ZNF385B: variants seen among roughly 807,000 people sequenced by gnomAD.
ZNF385B encodes the protein zinc finger protein 385B, also known as zinc finger protein 533.
In ZNF385B, 23 loss-of-function variants were observed where a neutral mutation model predicts 39.2. The ratio of observed to expected loss-of-function variants is 0.59; its 90% CI spans 0.42 to 0.83. The LOEUF is 0.83. Among genes scored for constraint, ZNF385B ranks in the 40% least tolerant of loss-of-function variants. ZNF385B has a pLI of 0.00. For missense variants in ZNF385B, 552 were observed against 598.9 expected, an observed-to-expected ratio of 0.92 and a Z score of 0.82; for synonymous variants, 205 against 222.6, an observed-to-expected ratio of 0.92 and a Z score of 0.70.
At chr2:179,807,238 A>G (rs189456685) in intron 1 of ZNF385B, among the ~76,000 whole-genome samples, 255 of 152,362 alleles carry the variant, frequency 1.7e-3, no homozygotes, top group African/African-American at 5.7e-3. Flanking sequence ...GCTGAAATGA[A>G]TAAGTTGAAA....
At chr2:179,786,299 T>C (rs116038115) in intron 1 of ZNF385B, among the ~76,000 whole-genome samples, 1 of 152,160 alleles carries the variant, frequency 6.6e-6, no homozygotes, top group Admixed American at 6.6e-5. Flanking sequence ...CAACCCATGA[T>C]ATATCTGAGG....
At chr2:179,679,338 T>C (rs1325693610) in intron 3 of ZNF385B, among the ~76,000 whole-genome samples, 1 of 152,230 alleles carries the variant, frequency 6.6e-6, no homozygotes, top group Non-Finnish European at 1.5e-5. Flanking sequence ...CCTAATGACA[T>C]ATTTCACAGA....
chr2:179,748,577 G>A (rs1702507639), intron 3 of ZNF385B, among the ~76,000 whole-genome samples: 1 of 152,048 alleles, frequency 6.6e-6, no homozygotes, highest in Non-Finnish European at 1.5e-5. Context: ...ATTTGTATAT[G>A]CTATAAACTA....
chr2:179,784,047 C>G (rs1171137341), intron 1 of ZNF385B, among the ~76,000 whole-genome samples: 1 of 152,030 alleles, frequency 6.6e-6, no homozygotes, highest in Non-Finnish European at 1.5e-5. Context: ...ACACTATTCA[C>G]AATAGTAAAG....
intron 3 of ZNF385B, among the ~76,000 whole-genome samples, chr2:179,687,187 A>G (rs1403309610): frequency 2.0e-5 from 3 of 151,320 alleles, no homozygotes; most frequent in Admixed American, 6.6e-5. Context: ...GGAGCCAATC[A>G]TGGAGGAAAT....
chr2:179,719,391 T>C (rs189306394), intron 3 of ZNF385B, among the ~76,000 whole-genome samples: 38 of 152,310 alleles, frequency 2.5e-4, no homozygotes, highest in African/African-American at 8.4e-4. Context: ...CCACCTCCTC[T>C]TTCATTATAT....
chr2:179,576,128 C>G (rs1186419867), intron 3 of ZNF385B: 1 of 985,246 alleles, frequency 1.0e-6, no homozygotes, highest in East Asian at 1.1e-4. Context: ...GTGTAACCCT[C>G]CAAAACGTCT....
chr2:179,580,044 A>C (rs902449453), intron 3 of ZNF385B, among the ~76,000 whole-genome samples: 1 of 152,132 alleles, frequency 6.6e-6, no homozygotes, highest in African/African-American at 2.4e-5. Flanking sequence ...TCTCAGTGTT[A>C]ATCAACTATT....
intron 6 of ZNF385B, among the ~76,000 whole-genome samples, chr2:179,479,537 G>C (rs1015030614): frequency 2.0e-5 from 3 of 152,066 alleles, no homozygotes; most frequent in Non-Finnish European, 4.4e-5. Context: ...GTGTGCTCTC[G>C]AGGAGCAGAA....
intron 1 of ZNF385B, among the ~76,000 whole-genome samples, chr2:179,803,033 T>C (rs1283351175): frequency 6.6e-6 from 1 of 152,186 alleles, no homozygotes; most frequent in Non-Finnish European, 1.5e-5. Context: ...ACAGTTGACA[T>C]ATTCAATCTT....
chr2:179,808,735 A>G (rs1291846060), intron 1 of ZNF385B, among the ~76,000 whole-genome samples: 1 of 152,232 alleles, frequency 6.6e-6, no homozygotes, highest in Non-Finnish European at 1.5e-5. Flanking sequence ...TACTGTGTCT[A>G]GGCCCTTAAC....
chr2:179,662,888 C>T lies in ZNF385B; in HGVS notation c.298+106615G>A, dbSNP rs147156381. Among the ~76,000 whole-genome samples the T allele has an allele frequency of 8.9e-3, 1,348 of 151,944 alleles. 6 individuals are homozygous for T. The highest frequency in any genetic ancestry group is 0.017 in the Middle Eastern group (5 of 294). ...TTCAATTTTTGTTTTTTATTAAATA[C>T]TAAAAATCATTGAGGAGCACAGTTT... On this transcript the variant is annotated intron_variant, in intron 3 of 9. Transcript: ENST00000410066.
At chr2:179,715,041 A>T (rs1039418851) in intron 3 of ZNF385B, among the ~76,000 whole-genome samples, 15 of 151,094 alleles carry the variant, frequency 9.9e-5, no homozygotes. Context: ...GTTTATACCT[A>T]CCCCCAAACC....
intron 1 of ZNF385B, among the ~76,000 whole-genome samples, chr2:179,844,279 T>G (rs568709124): frequency 1.3e-5 from 2 of 152,326 alleles, no homozygotes; most frequent in African/African-American, 4.8e-5. Context: ...ACTAAATGAT[T>G]TTTAAATTTC....
chr2:179,671,377 A>C (rs565641519), intron 3 of ZNF385B, among the ~76,000 whole-genome samples: 21 of 152,338 alleles, frequency 1.4e-4, no homozygotes, highest in African/African-American at 5.1e-4. Context: ...GCTAATTTAA[A>C]AATGGAATTA....
At chr2:179,819,755 A>G (rs979828894) in intron 1 of ZNF385B, among the ~76,000 whole-genome samples, 4 of 152,120 alleles carry the variant, frequency 2.6e-5, no homozygotes, top group Non-Finnish European at 5.9e-5. Context: ...CCTTTCTGGG[A>G]GGATGGGGAA....
Position 179,852,574 on chromosome 2 carries a change from C to T in ZNF385B, c.-155+8527G>A, listed in dbSNP as rs934228393. Among the ~76,000 whole-genome samples, 9 of 152,228 alleles carry T rather than the reference C, an allele frequency of 5.9e-5. No homozygotes were observed. In the East Asian group the frequency reaches 9.7e-4, roughly 16 times the overall value. The stretch of plus-strand genomic sequence containing the variant: ...ACTGCGGCAGGCGTCCAGTGGTTCA[C>T]GTTGGCATGGAAACTCATCGTGGAC... On this transcript the variant is annotated intron_variant, in intron 1 of 9. Coordinates refer to ENST00000410066, the MANE Select transcript of ZNF385B (RefSeq NM_152520.6).
At chr2:179,519,719 A>G (rs1321140036) in intron 4 of ZNF385B, among the ~76,000 whole-genome samples, 1 of 152,216 alleles carries the variant, frequency 6.6e-6, no homozygotes, top group African/African-American at 2.4e-5. Flanking sequence ...GCAAAACATT[A>G]CATAACAGAT....
intron 3 of ZNF385B, among the ~76,000 whole-genome samples, chr2:179,639,182 G>A (rs1198744987): frequency 7.4e-6 from 1 of 135,388 alleles, no homozygotes; most frequent in Non-Finnish European, 1.5e-5. Flanking sequence ...GAGCCAAGAT[G>A]GTGCCGCTGT....
Sources: allele counts gnomAD v4.1 joint callset (sites outside exome capture counted in the v4.1 genomes callset), GRCh38; gene constraint gnomAD v4.1.1; transcripts MANE v1.5; gene names NCBI Gene and HGNC (gene_info 2026-07-23, HGNC 2026-07-21).